The following PEX5L variants were observed in gnomAD, a reference collection of about 807,000 sequenced individuals.
PEX5L encodes PEX5-related protein.
In PEX5L, 30 loss-of-function variants were observed where a neutral mutation model predicts 84.0. The ratio of observed to expected loss-of-function variants is 0.36; its 90% confidence interval spans 0.27 to 0.48. PEX5L has a LOEUF of 0.48. PEX5L is among the 20% of genes least tolerant of loss of function. The pLI is 0.99. For missense variants in PEX5L, 533 were observed against 754.6 expected (o/e 0.71, Z 3.44); for synonymous variants, 270 against 283.1 (o/e 0.95, Z 0.46).
chr3:179,918,363 G>A (rs977958791), intron 2 of PEX5L, among the ~76,000 whole-genome samples: 8 of 152,154 alleles, frequency 5.3e-5, no homozygotes, highest in African/African-American at 1.7e-4. Context: ...CATTTGGTGG[G>A]TATAGTAAAA....
At chr3:179,876,894 T>C (rs1345325808) in intron 5 of PEX5L, among the ~76,000 whole-genome samples, 1 of 152,148 alleles carries the variant, frequency 6.6e-6, no homozygotes, top group East Asian at 1.9e-4. Context: ...TTTTTTTTCT[T>C]GGTTTTTGGA....
chr3:179,941,972 G>A (rs1776229539), intron 2 of PEX5L, among the ~76,000 whole-genome samples: 1 of 132,166 alleles, frequency 7.6e-6, no homozygotes, highest in Non-Finnish European at 1.5e-5. Context: ...AGTGAGCCCA[G>A]ATCGCGCCAC....
intron 1 of PEX5L, among the ~76,000 whole-genome samples, chr3:179,978,930 C>T (rs1280453254): frequency 6.6e-6 from 1 of 152,184 alleles, no homozygotes; most frequent in Non-Finnish European, 1.5e-5. Flanking sequence ...TTAATTACCA[C>T]ATCCTCAAGT....
chr3:179,976,853 G>T lies in PEX5L; in HGVS notation c.22-5188C>A, dbSNP rs930392861. Among the ~76,000 whole-genome samples the T allele has an allele frequency of 5.9e-5, 9 of 152,126 alleles. 1 individual carries two copies. The highest frequency in any genetic ancestry group is 2.2e-4 in the African/African-American group (9 of 41,502). ...TATAACTGTTTCCTCCTTCCCTTGT[G>T]TAAAGATACTGATCATGTTTATAAT... On this transcript the variant is annotated intron_variant, in intron 1 of 14. Coordinates refer to ENST00000467460, the MANE Select transcript of PEX5L (RefSeq NM_016559.3).
chr3:179,959,319 T>A (rs1781438957), intron 2 of PEX5L, among the ~76,000 whole-genome samples: 1 of 152,164 alleles, frequency 6.6e-6, no homozygotes, highest in Non-Finnish European at 1.5e-5. Context: ...ATAACGCACA[T>A]CTTAGTTCTT....
At chr3:179,826,586 T>A (rs148898713) in intron 8 of PEX5L, among the ~76,000 whole-genome samples, 1 of 152,278 alleles carries the variant, frequency 6.6e-6, no homozygotes, top group African/African-American at 2.4e-5. Context: ...TCCTTTACCA[T>A]GGGCATGAGG....
At chr3:179,953,793 A>T (rs1043068948) in intron 2 of PEX5L, among the ~76,000 whole-genome samples, 1 of 152,146 alleles carries the variant, frequency 6.6e-6, no homozygotes, top group Non-Finnish European at 1.5e-5. Flanking sequence ...AGCCTCGCCG[A>T]TGGATGAAAT....
intron 2 of PEX5L, chr3:179,900,522 A>G (rs1257817758): frequency 1.7e-6 from 1 of 598,062 alleles, no homozygotes; most frequent in African/African-American, 1.9e-5. Flanking sequence ...AGAGTTAGCA[A>G]GGGACATGCC....
intron 9 of PEX5L, among the ~76,000 whole-genome samples, chr3:179,817,056 A>G (rs1726396440): frequency 6.6e-6 from 1 of 152,210 alleles, no homozygotes; most frequent in Non-Finnish European, 1.5e-5. Context: ...TGAATCCCAC[A>G]TACTGTATAT....
chr3:180,036,403 C>T (rs982547289), intron 1 of PEX5L, among the ~76,000 whole-genome samples, 176 bp downstream of exon 1: 2 of 152,188 alleles, frequency 1.3e-5, no homozygotes, highest in African/African-American at 4.8e-5. Context: ...CTTCTCCCAC[C>T]TTCGGAAACC....
At chr3:180,004,443 T>C (rs534886284) in intron 1 of PEX5L, among the ~76,000 whole-genome samples, 1 of 152,330 alleles carries the variant, frequency 6.6e-6, no homozygotes, top group South Asian at 2.1e-4. Flanking sequence ...ATGGAAACTA[T>C]ATGTGTTTCA....
chr3:179,980,179 A>G (rs941218508), intron 1 of PEX5L, among the ~76,000 whole-genome samples: 2 of 152,194 alleles, frequency 1.3e-5, no homozygotes, highest in African/African-American at 2.4e-5. Flanking sequence ...GTTTCTGACA[A>G]GAATCAACCC....
chr3:179,946,847 G>A (rs1187216432), intron 2 of PEX5L, among the ~76,000 whole-genome samples: 2 of 152,138 alleles, frequency 1.3e-5, no homozygotes, highest in African/African-American at 4.8e-5. Flanking sequence ...AGTTTGGGTG[G>A]ACCAACAGTC....
chr3:179,969,461 T>C (rs1413459769), intron 2 of PEX5L, among the ~76,000 whole-genome samples: 2 of 152,090 alleles, frequency 1.3e-5, no homozygotes, highest in African/African-American at 2.4e-5. Context: ...AATGTACATA[T>C]ACATACACAC....
At chr3:179,854,144 C>T (rs1743009149) in intron 8 of PEX5L, among the ~76,000 whole-genome samples, 1 of 150,256 alleles carries the variant, frequency 6.7e-6, no homozygotes, top group African/African-American at 2.4e-5. Context: ...GGCACCACGC[C>T]AGACTTGATG....
intron 1 of PEX5L, among the ~76,000 whole-genome samples, chr3:180,031,083 C>T (rs1791414338): frequency 8.3e-6 from 1 of 120,224 alleles, no homozygotes; most frequent in South Asian, 2.4e-4. Flanking sequence ...GGATATTTAT[C>T]TAATGGATAT....
intron 2 of PEX5L, among the ~76,000 whole-genome samples, chr3:179,922,294 G>GT: frequency 6.6e-6 from 1 of 152,260 alleles, no homozygotes; most frequent in Middle Eastern, 3.4e-3. Context: ...TTCAAGCATG[G>GT]TAAATGCCAT....
rs193181214 is a variant in PEX5L at position 179,814,582 on chromosome 3, T to C, written c.1083+1279A>G. The stretch of plus-strand genomic sequence containing the variant: ...CAGATTCCCTTGGGAATATTCTTTA[T>C]ATGATGATTCCTGAAAATTACAAAT... On this transcript the variant is annotated intron_variant, in intron 10 of 14. Transcript: ENST00000467460. Among the ~76,000 whole-genome samples the C allele has an allele frequency of 6.8e-4, 104 of 152,318 alleles. 2 individuals carry two copies. The highest frequency in any genetic ancestry group is 6.8e-3 in the Admixed American group (104 of 15,306).
chr3:179,861,345 G>A (rs1746056585), intron 7 of PEX5L, among the ~76,000 whole-genome samples: 5 of 152,234 alleles, frequency 3.3e-5, no homozygotes, highest in South Asian at 2.1e-4. Context: ...GAGACTGAAA[G>A]GGGTCTTGTT....
Sources: gnomAD v4.1 joint callset for allele counts (sites outside exome capture counted in the v4.1 genomes callset) on GRCh38, gnomAD v4.1.1 for gene constraint, MANE v1.5 for transcripts, NCBI Gene and HGNC (gene_info 2026-07-23, HGNC 2026-07-21) for gene names.